The following ASPRV1 variants were observed in gnomAD, a reference collection of about 807,000 sequenced individuals.
The protein encoded by ASPRV1 is retroviral-like aspartic protease 1.
ASPRV1 carries 7 observed loss-of-function variants against 11.0 expected under a neutral mutation model. The ratio of observed to expected loss-of-function variants is 0.64; its 90% CI spans 0.36 to 1.20. ASPRV1 has a LOEUF of 1.20. Ranked by LOEUF, ASPRV1 falls within the 50% of genes most tolerant of loss-of-function variation. The pLI is 0.02. For synonymous variants in ASPRV1, 136 were observed against 138.4 expected (o/e 0.98, Z 0.12); for missense variants, 299 against 320.0 (o/e 0.93, Z 0.50).
At chr2:70,006,349 C>G in the ASPRV1 span, among the ~76,000 whole-genome samples, 2 of 152,100 alleles carry the variant, frequency 1.3e-5, no homozygotes, top group South Asian at 4.1e-4. Flanking sequence ...GGGCCCCCTA[C>G]GGTTAGGTGT....
At chr2:70,034,857 T>C in the ASPRV1 span, 1 of 152,184 alleles carries the variant, frequency 6.6e-6, no homozygotes, top group African/African-American at 2.4e-5. Context: ...TTTGAGTTGG[T>C]GTGCTAAGGG....
At chr2:70,085,099 C>A in the ASPRV1 span, among the ~76,000 whole-genome samples, 1 of 152,150 alleles carries the variant, frequency 6.6e-6, no homozygotes, top group Non-Finnish European at 1.5e-5. Context: ...TCAATCTCTG[C>A]AGAGAAATGG....
At chr2:69,985,509 T>C in the ASPRV1 span, among the ~76,000 whole-genome samples, 9 of 152,352 alleles carry the variant, frequency 5.9e-5, no homozygotes, top group Non-Finnish European at 8.8e-5. Flanking sequence ...CTTTGTGTCC[T>C]TGGGGATCAA....
the ASPRV1 span, among the ~76,000 whole-genome samples, chr2:70,025,719 C>T: frequency 6.6e-6 from 1 of 152,214 alleles, no homozygotes; most frequent in African/African-American, 2.4e-5. Flanking sequence ...AGCAGATACT[C>T]TCTGTGAACT....
chr2:70,030,336 T>A, the ASPRV1 span: 1 of 152,340 alleles, frequency 6.6e-6, no homozygotes, highest in Non-Finnish European at 1.5e-5. Context: ...CAGCCAAAAG[T>A]GCTGAAGGAG....
the ASPRV1 span, among the ~76,000 whole-genome samples, chr2:69,943,144 A>G: frequency 1.3e-5 from 2 of 152,192 alleles, no homozygotes; most frequent in African/African-American, 4.8e-5. Flanking sequence ...AATTAGCCAC[A>G]GTCCCACCCT....
At chr2:69,997,214 G>A in the ASPRV1 span, among the ~76,000 whole-genome samples, 1 of 150,112 alleles carries the variant, frequency 6.7e-6, no homozygotes, top group African/African-American at 2.5e-5. Context: ...AATGGACGCA[G>A]GCCTTTGCAG....
chr2:69,972,439 C>T, the ASPRV1 span, among the ~76,000 whole-genome samples: 2 of 151,020 alleles, frequency 1.3e-5, no homozygotes, highest in East Asian at 1.9e-4. Context: ...CTCACTGCAA[C>T]GTCTGTCTCC....
the ASPRV1 span, among the ~76,000 whole-genome samples, chr2:70,058,551 A>T: frequency 1.4e-5 from 2 of 138,692 alleles, no homozygotes; most frequent in Non-Finnish European, 1.6e-5. Flanking sequence ...CTCTGAAGAA[A>T]TTTTTTTTTT....
At chr2:69,995,726 T>C in the ASPRV1 span, among the ~76,000 whole-genome samples, 35 of 151,990 alleles carry the variant, frequency 2.3e-4, no homozygotes, top group African/African-American at 8.0e-4. Flanking sequence ...GCAGGGGCAA[T>C]TGTCCCAAGG....
At chr2:70,054,735 A>G in the ASPRV1 span, among the ~76,000 whole-genome samples, 2 of 152,188 alleles carry the variant, frequency 1.3e-5, no homozygotes, top group African/African-American at 4.8e-5. Context: ...GCTATCTTCA[A>G]TTTCAAATAA....
upstream of ASPRV1, among the ~76,000 whole-genome samples, chr2:69,965,048 A>ATTATTTAT: frequency 6.6e-6 from 1 of 151,946 alleles, no homozygotes; most frequent in Non-Finnish European, 1.5e-5. Flanking sequence ...CAAACACTTT[A>ATTATTTAT]TTATTTATTT....
chr2:70,022,498 C>A, the ASPRV1 span, among the ~76,000 whole-genome samples: 1 of 151,566 alleles, frequency 6.6e-6, no homozygotes, highest in Non-Finnish European at 1.5e-5. Context: ...CCAGCCTGGG[C>A]AACATAGTGA....
chr2:69,974,390 G>T, the ASPRV1 span, among the ~76,000 whole-genome samples: 579 of 151,358 alleles, frequency 3.8e-3, 6 homozygotes, highest in South Asian at 0.011. Flanking sequence ...TATTATTTTT[G>T]CCTTAATATA....
At chr2:69,978,416 A>C in the ASPRV1 span, among the ~76,000 whole-genome samples, 52 of 152,310 alleles carry the variant, frequency 3.4e-4, no homozygotes, top group African/African-American at 1.3e-3. Context: ...TGCCTCACCC[A>C]CTAGGCCACC....
At chr2:70,026,816 CCAA>C in the ASPRV1 span, among the ~76,000 whole-genome samples, 3 of 152,062 alleles carry the variant, frequency 2.0e-5, no homozygotes, top group Non-Finnish European at 4.4e-5. Flanking sequence ...TACCAAAATA[CCAA>C]CGACATTCTT....
At chr2:70,005,130 G>A in the ASPRV1 span, among the ~76,000 whole-genome samples, 1 of 152,132 alleles carries the variant, frequency 6.6e-6, no homozygotes, top group Non-Finnish European at 1.5e-5. Context: ...GGCAATCGCA[G>A]CTCATTGCAG....
At chr2:70,077,350 T>C in the ASPRV1 span, 1 of 152,164 alleles carries the variant, frequency 6.6e-6, no homozygotes, top group African/African-American at 2.4e-5. Flanking sequence ...AGTCTTTTTA[T>C]TTCATTTCCT....
the ASPRV1 span, chr2:70,049,182 TC>T: frequency 2.3e-5 from 2 of 88,558 alleles, no homozygotes. Context: ...ATGCTATCCC[TC>T]CCCCCTCCCC....
Sources: gnomAD v4.1 joint callset for allele counts (sites outside exome capture counted in the v4.1 genomes callset) on GRCh38, gnomAD v4.1.1 for gene constraint, MANE v1.5 for transcripts, NCBI Gene and HGNC (gene_info 2026-07-23, HGNC 2026-07-21) for gene names.